MAB21L4: variants seen among roughly 807,000 people sequenced by gnomAD.
MAB21L4 encodes the protein mab-21 like 4.
In MAB21L4, 25 loss-of-function variants were observed where a neutral mutation model predicts 32.4. The observed-to-expected ratio is 0.77, with a 90% CI of 0.56 to 1.08. MAB21L4 has a LOEUF of 1.08. Among genes scored for constraint, MAB21L4 ranks in the 50% least tolerant of loss-of-function variants. The pLI, the probability that MAB21L4 is intolerant of heterozygous loss-of-function variation, is 0.00. For synonymous variants in MAB21L4, 280 were observed against 276.8 expected (o/e 1.01, Z -0.11); for missense variants, 638 against 611.0 (o/e 1.04, Z -0.47).
chr2:240,888,509 C>T lies in MAB21L4; in HGVS notation c.1034G>A (p.Arg345His), dbSNP rs780262336. 11 of 1,606,512 alleles carry T rather than the reference C, an allele frequency of 6.8e-6. No homozygotes were observed. Among genetic ancestry groups the T allele is most frequent in the South Asian group, 4.4e-5 (4 of 90,734 alleles). Residue 345 changes from arginine to histidine, a missense_variant, in exon 4 of 5, where the codon CGC becomes CAC. Coordinates refer to ENST00000388934, the MANE Select transcript of MAB21L4 (RefSeq NM_001085437.3). ...CAGGCCGCTGCCCTGCAGCAGGTTG[C>T]GCTGCGGGTGGAGGAAGTGGGGCAG... ...RKLPHFLHPQRNLLQGSGLDL... is the reference protein window; with the variant it reads ...RKLPHFLHPQHNLLQGSGLDL...
chr2:240,890,220 C>A, intron 2 of MAB21L4, 62 bp from the exon 3 acceptor site: 3 of 1,543,964 alleles, frequency 1.9e-6, no homozygotes, highest in East Asian at 2.3e-5. Flanking sequence ...GCATGGGGAG[C>A]TTCTGAGCCC....
chr2:240,895,693 G>A lies in MAB21L4; in HGVS notation c.305C>T (p.Pro102Leu), dbSNP rs146162100. ...LLIEEPEATQ[P>L]EDGLELCHLG... ...GTGGCATAATTCAAGGCCATCCTCC[G>A]GCTGGGTGGCCTCTGGTTCCTCAAT... is the stretch of plus-strand genomic sequence containing the variant. Residue 102 changes from proline (P) to leucine (L), a missense_variant, in exon 1 of 5, where the codon CCG (proline) becomes CTG (leucine). Physicochemically the swap from Pro to Leu is moderately conservative, Grantham distance 98 (BLOSUM62 -3). Transcript: ENST00000388934. The A allele has an allele frequency of 1.3e-3, 2,075 of 1,612,884 alleles. 37 individuals carry two copies. In the African/African-American group the frequency reaches 0.025, roughly 19 times the overall value.
chr2:240,892,483 G>A (rs1488200427), intron 1 of MAB21L4, among the ~76,000 whole-genome samples: 4 of 152,218 alleles, frequency 2.6e-5, no homozygotes, highest in Admixed American at 1.3e-4. Context: ...GCTGGGGAGA[G>A]AGGGACAGGC....
intron 4 of MAB21L4, among the ~76,000 whole-genome samples, chr2:240,887,958 G>T (rs1056926378): frequency 1.3e-5 from 2 of 152,170 alleles, no homozygotes; most frequent in Non-Finnish European, 2.9e-5. Flanking sequence ...ATGAGGAATG[G>T]AACTCCAGGG....
chr2:240,890,938 C>T (rs1197973059), intron 2 of MAB21L4, among the ~76,000 whole-genome samples: 1 of 152,200 alleles, frequency 6.6e-6, no homozygotes, highest in Non-Finnish European at 1.5e-5. Flanking sequence ...GGGAAAACCA[C>T]AGGAGGGACA....
At chr2:240,892,225 C>G (rs961371016) in intron 1 of MAB21L4, among the ~76,000 whole-genome samples, 2 of 152,178 alleles carry the variant, frequency 1.3e-5, no homozygotes, top group Non-Finnish European at 2.9e-5. Context: ...TCTCTGCTGC[C>G]TTCTCTGCAG....
At position 240,887,071 on chromosome 2, in the gene MAB21L4, C is replaced by A. The variant is rs756166821; in HGVS notation, c.1343G>T (p.Ter448LeuextTer36). Residue 448 changes from the stop codon to leucine (L), a stop_lost, in exon 5 of 5, where the codon TGA becomes TTA. Transcript: ENST00000388934. ...GTGGCTGAGACCAGGTGGCCCAGCT[C>A]AGCTCTCCTCGCCTCCCAGAGTCCT... ...KTRTLGGEES[*>L] is the part of the protein sequence containing the mutation. 16 of 1,613,658 alleles carry A rather than the reference C, an allele frequency of 9.9e-6. No individual in the cohort carries two copies. The highest frequency in any genetic ancestry group is 1.4e-5 in the Non-Finnish European group (16 of 1,179,728).
In MAB21L4 at chr2:240,888,333, T is replaced by G. The variant is rs775414475; in HGVS notation, c.1210A>C (p.Thr404Pro). ...ALLQLPASDP[T>P]YWATAYFDVL... ...TCGAAGTAGGCAGTGGCCCAGTAAG[T>G]GGGGTCACTGGCTGGCAGCTGCAGG... The change falls in exon 4 of 5, where the codon ACT (threonine) becomes CCT (proline). Residue 404 changes from threonine (T) to proline (P), a missense_variant. Coordinates refer to ENST00000388934, the MANE Select transcript of MAB21L4 (RefSeq NM_001085437.3). 23 of 1,584,378 alleles carry G rather than the reference T, an allele frequency of 1.5e-5. No homozygotes were observed. The highest frequency in any genetic ancestry group is 1.7e-6 in the Non-Finnish European group (2 of 1,168,862).
Position 240,895,679 on chromosome 2 carries a change from C to T in MAB21L4, c.319G>A (p.Glu107Lys). The change falls in exon 1 of 5, where the codon GAA (glutamate) becomes AAA (lysine). Residue 107 changes from glutamate (E) to lysine (K), a missense_variant. Physicochemically the swap from Glu to Lys is moderately conservative, Grantham distance 56 (BLOSUM62 1). Coordinates refer to ENST00000388934, the MANE Select transcript of MAB21L4 (RefSeq NM_001085437.3). ...PEATQPEDGL[E>K]LCHLGVPREG... ...CTGGGCACACCCAGGTGGCATAATT[C>T]AAGGCCATCCTCCGGCTGGGTGGCC... 1 of 1,612,942 alleles carries T rather than the reference C, an allele frequency of 6.2e-7. No individual in the cohort carries two copies. Among genetic ancestry groups the T allele is most frequent in the Non-Finnish European group, 8.5e-7 (1 of 1,180,012 alleles).
chr2:240,891,591 T>C lies in MAB21L4; in HGVS notation c.687A>G (p.Arg229=). 1 of 1,610,440 alleles carries C rather than the reference T, an allele frequency of 6.2e-7. No individual in the cohort carries two copies. Among genetic ancestry groups the C allele is most frequent in the Non-Finnish European group, 8.5e-7 (1 of 1,179,936 alleles). ...GGTCCACCCCTTGGCTGAGGATCCT[T>C]CTCAAGCTGCCCTCAGGGAATCCGG... The part of the protein sequence containing the change: ...QMPGFPEGSL[R]RILSQGVDLV... The change falls in exon 2 of 5, where the codon AGA becomes AGG. Residue 229 remains arginine (R), a synonymous_variant. Transcript: ENST00000388934.
chr2:240,888,831 G>GTT (rs2059120132), intron 3 of MAB21L4, among the ~76,000 whole-genome samples, 183 bp from the exon 4 acceptor site: 1 of 141,730 alleles, frequency 7.1e-6, no homozygotes, highest in African/African-American at 2.6e-5. Flanking sequence ...GCTGCCCCCA[G>GTT]CCTGCTGGCT....
Position 240,888,275 on chromosome 2 carries a change from C to T in MAB21L4, c.1251+17G>A, listed in dbSNP as rs1387655276. 2 of 1,520,586 alleles carry T rather than the reference C, an allele frequency of 1.3e-6. No individual in the cohort carries two copies. Among genetic ancestry groups the T allele is most frequent in the Admixed American group, 2.1e-5 (1 of 47,554 alleles). The allele number at this position is 1,520,586 out of a possible 1,614,324, so 94.2% of individuals were successfully genotyped here. A position where few individuals can be genotyped will look rare whatever the true frequency, so the allele number is the denominator to read the frequency against. ...ATGCCCCCGGGCCTGCCCAAGGCCCCCGCAGCCAGCACCCACCTTGTCCAG... is the reference window on the plus strand; with the variant it reads ...ATGCCCCCGGGCCTGCCCAAGGCCCTCGCAGCCAGCACCCACCTTGTCCAG... On this transcript the variant is annotated intron_variant, in intron 4 of 4. Transcript: ENST00000388934.
At chr2:240,894,202 G>T (rs769402588) in intron 1 of MAB21L4, among the ~76,000 whole-genome samples, 1 of 151,844 alleles carries the variant, frequency 6.6e-6, no homozygotes, top group Non-Finnish European at 1.5e-5. Flanking sequence ...ATGGCCTCTC[G>T]CGAAGGTGAG....
At chr2:240,894,236 G>A (rs965023558) in intron 1 of MAB21L4, among the ~76,000 whole-genome samples, 5 of 152,160 alleles carry the variant, frequency 3.3e-5, no homozygotes, top group South Asian at 2.1e-4. Context: ...CTGACCTCAC[G>A]GAGGACATGA....
At chr2:240,893,369 A>G (rs548370507) in intron 1 of MAB21L4, among the ~76,000 whole-genome samples, 162 of 152,316 alleles carry the variant, frequency 1.1e-3, no homozygotes, top group African/African-American at 3.3e-3. Context: ...CCCATCCCAC[A>G]GGGGCCTCAG....
chr2:240,891,738 C>G lies in MAB21L4; in HGVS notation c.540G>C (p.Arg180Ser), dbSNP rs78562453. The G allele has an allele frequency of 5.1e-3, 8,184 of 1,609,566 alleles. 29 individuals carry two copies. The highest frequency in any genetic ancestry group is 7.1e-3 in the South Asian group (647 of 91,042). Reference sequence around the variant, plus strand: ...GCAAGGACAGGTGGAGCTGCTCCTCCCTCAGGCTGGCCGCGTTCAGCGAAC... The same window carrying G: ...GCAAGGACAGGTGGAGCTGCTCCTCGCTCAGGCTGGCCGCGTTCAGCGAAC... ...APGSLNAASL[R>S]EEQLHLSLLV... Residue 180 changes from arginine (R) to serine (S), a missense_variant, in exon 2 of 5, where the codon AGG (arginine) becomes AGC (serine). Physicochemically the swap from Arg to Ser is moderately radical, Grantham distance 110. Transcript: ENST00000388934.
chr2:240,887,206 G>C (rs2059103219), intron 4 of MAB21L4, 44 bp from the exon 5 acceptor site: 1 of 1,517,636 alleles, frequency 6.6e-7, no homozygotes. Context: ...GGGACCCCTG[G>C]AGCCCATGAT....
chr2:240,887,353 C>G lies in MAB21L4; in HGVS notation c.1252-191G>C, dbSNP rs567294291. On this transcript the variant is annotated intron_variant, in intron 4 of 4. Coordinates refer to ENST00000388934, the MANE Select transcript of MAB21L4 (RefSeq NM_001085437.3). ...CCAGCCTCTGCTGCTCCCTGAGCCC[C>G]TCCTCACACACGGCGTCCCTGGCAT... Among the ~76,000 whole-genome samples the G allele has an allele frequency of 1.2e-4, 19 of 152,368 alleles. 1 individual carries two copies. In the South Asian group the frequency reaches 3.7e-3, roughly 30 times the overall value.
In MAB21L4 at chr2:240,891,556, G is replaced by A. The variant is rs369402315; in HGVS notation, c.722C>T (p.Ala241Val). 1 of 1,610,136 alleles carries A rather than the reference G, an allele frequency of 6.2e-7. No individual in the cohort carries two copies. Among genetic ancestry groups the A allele is most frequent in the Non-Finnish European group, 8.5e-7 (1 of 1,179,506 alleles). The change falls in exon 2 of 5, where the codon GCC becomes GTC. Residue 241 changes from alanine to valine, a missense_variant. Transcript: ENST00000388934. ...ILSQGVDLVPASAQLWRTSTD... is the reference protein window; with the variant it reads ...ILSQGVDLVPVSAQLWRTSTD... ...CGCCTACCTCCAGAGCTGGGCGCTG[G>A]CCGGCACCAGGTCCACCCCTTGGCT...
Sources: allele counts gnomAD v4.1 joint callset (sites outside exome capture counted in the v4.1 genomes callset), GRCh38; gene constraint gnomAD v4.1.1; transcripts MANE v1.5; gene names NCBI Gene and HGNC (gene_info 2026-07-23, HGNC 2026-07-21).